The following SCHIP1 variants were observed in gnomAD, a reference collection of about 807,000 sequenced individuals.
The protein encoded by SCHIP1 is schwannomin interacting protein 1.
In SCHIP1, 8 loss-of-function variants were observed where a neutral mutation model predicts 29.7. The observed-to-expected ratio is 0.27, with a 90% CI of 0.16 to 0.49. The LOEUF is 0.49. Ranked by LOEUF, SCHIP1 falls within the 20% of genes least tolerant of loss-of-function variation. The probability of loss-of-function intolerance (pLI) is 0.99; values close to 1 mark genes in which losing one functional copy is unlikely to be tolerated. For synonymous variants in SCHIP1, 76 were observed against 94.9 expected (o/e 0.80, Z 1.16); for missense variants, 193 against 294.6 (o/e 0.66, Z 2.52).
At chr3:159,824,148 A>G in the SCHIP1 span, among the ~76,000 whole-genome samples, 1 of 152,170 alleles carries the variant, frequency 6.6e-6, no homozygotes, top group Non-Finnish European at 1.5e-5. Context: ...TTCTTCATTT[A>G]TTGTCATTAA....
At chr3:159,355,602 C>G in the SCHIP1 span, among the ~76,000 whole-genome samples, 212 of 152,202 alleles carry the variant, frequency 1.4e-3, no homozygotes, top group African/African-American at 5.0e-3. Flanking sequence ...ATCCTGGATT[C>G]AAAATTATAT....
the SCHIP1 span, among the ~76,000 whole-genome samples, chr3:159,537,902 A>G: frequency 6.6e-6 from 1 of 152,214 alleles, no homozygotes; most frequent in Non-Finnish European, 1.5e-5. Flanking sequence ...AAGGCAAGTC[A>G]CAGAAGATCA....
chr3:159,786,982 A>G, the SCHIP1 span, among the ~76,000 whole-genome samples: 48 of 152,292 alleles, frequency 3.2e-4, no homozygotes, highest in Non-Finnish European at 1.6e-4. Context: ...GTGACTGGCC[A>G]GCTTTGGTAT....
chr3:159,592,953 G>A, the SCHIP1 span, among the ~76,000 whole-genome samples: 33 of 152,106 alleles, frequency 2.2e-4, 1 homozygote, highest in African/African-American at 7.0e-4. Flanking sequence ...AACAGTTATC[G>A]AGCATCTGTT....
chr3:159,678,497 T>G, the SCHIP1 span, among the ~76,000 whole-genome samples: 2 of 152,270 alleles, frequency 1.3e-5, no homozygotes, highest in South Asian at 4.1e-4. Context: ...GAGCAAAAAC[T>G]TATTAACATT....
chr3:159,815,469 TG>T, the SCHIP1 span, among the ~76,000 whole-genome samples: 2 of 152,154 alleles, frequency 1.3e-5, no homozygotes, highest in Admixed American at 1.3e-4. Flanking sequence ...GTTGACACCT[TG>T]GGGGGATGAA....
the SCHIP1 span, among the ~76,000 whole-genome samples, chr3:159,816,799 G>T: frequency 6.6e-6 from 1 of 152,320 alleles, no homozygotes; most frequent in South Asian, 2.1e-4. Context: ...AACTCGTGCT[G>T]TCTCTAGCTT....
At chr3:159,531,240 C>T in the SCHIP1 span, among the ~76,000 whole-genome samples, 59 of 152,252 alleles carry the variant, frequency 3.9e-4, no homozygotes, top group African/African-American at 1.3e-3. Context: ...TAGGGGATAA[C>T]CATATTAATT....
At chr3:159,609,683 C>T in the SCHIP1 span, among the ~76,000 whole-genome samples, 2 of 152,148 alleles carry the variant, frequency 1.3e-5, no homozygotes, top group Non-Finnish European at 2.9e-5. Context: ...CCAACAGAAG[C>T]AGCCGCTTAA....
chr3:159,711,390 A>G, the SCHIP1 span, among the ~76,000 whole-genome samples: 2 of 80,344 alleles, frequency 2.5e-5, no homozygotes, highest in East Asian at 3.3e-4. Flanking sequence ...AAAAAAAAAA[A>G]AAAAAAAGAA....
At chr3:159,456,618 G>C in the SCHIP1 span, among the ~76,000 whole-genome samples, 2 of 152,204 alleles carry the variant, frequency 1.3e-5, no homozygotes, top group African/African-American at 2.4e-5. Context: ...AGAAGGAAGA[G>C]GGCGGAAGAG....
At chr3:159,668,869 A>T in the SCHIP1 span, among the ~76,000 whole-genome samples, 2 of 152,150 alleles carry the variant, frequency 1.3e-5, no homozygotes, top group African/African-American at 4.8e-5. Context: ...CAAGCAAATA[A>T]GTGCTCTGGC....
chr3:159,588,210 T>C, the SCHIP1 span, among the ~76,000 whole-genome samples: 1 of 152,238 alleles, frequency 6.6e-6, no homozygotes, highest in African/African-American at 2.4e-5. Context: ...TGCATTTCTC[T>C]GATGGCCAGT....
At chr3:159,533,634 A>C in the SCHIP1 span, among the ~76,000 whole-genome samples, 3 of 151,886 alleles carry the variant, frequency 2.0e-5, no homozygotes, top group Non-Finnish European at 2.9e-5. Flanking sequence ...CTGCCCCCCC[A>C]CATCTCTGTT....
At chr3:159,366,147 G>T in the SCHIP1 span, among the ~76,000 whole-genome samples, 2 of 152,086 alleles carry the variant, frequency 1.3e-5, no homozygotes, top group Non-Finnish European at 2.9e-5. Flanking sequence ...GAGGGAGCAG[G>T]CATGTCACAG....
chr3:159,572,556 A>C, the SCHIP1 span, among the ~76,000 whole-genome samples: 1 of 152,318 alleles, frequency 6.6e-6, no homozygotes, highest in South Asian at 2.1e-4. Context: ...CAATTTTAGA[A>C]TAAGTGTGAT....
At chr3:159,392,647 A>C in the SCHIP1 span, among the ~76,000 whole-genome samples, 1 of 151,806 alleles carries the variant, frequency 6.6e-6, no homozygotes, top group African/African-American at 2.4e-5. Flanking sequence ...TGAACTCATC[A>C]TTTTTTATGG....
chr3:159,667,702 G>A, the SCHIP1 span, among the ~76,000 whole-genome samples: 1 of 152,138 alleles, frequency 6.6e-6, no homozygotes, highest in South Asian at 2.1e-4. Context: ...TCTTTTATGG[G>A]GCCTGACAAA....
chr3:159,687,094 CAT>C, the SCHIP1 span, among the ~76,000 whole-genome samples: 9 of 152,200 alleles, frequency 5.9e-5, no homozygotes, highest in Non-Finnish European at 2.9e-5. Context: ...TTCTAGAAAA[CAT>C]AGAAAATTTT....
Sources: allele counts gnomAD v4.1 joint callset (sites outside exome capture counted in the v4.1 genomes callset), GRCh38; gene constraint gnomAD v4.1.1; transcripts MANE v1.5; gene names NCBI Gene and HGNC (gene_info 2026-07-23, HGNC 2026-07-21).